Variants in CHAMP1 observed in about 807,000 individuals in gnomAD.
CHAMP1 encodes the protein chromosome alignment-maintaining phosphoprotein 1.
A neutral mutation model predicts 54.5 loss-of-function variants in CHAMP1; 4 were observed. The observed-to-expected ratio is 0.07, with a 90% confidence interval of 0.04 to 0.17. CHAMP1 has a LOEUF of 0.17. Ranked by LOEUF, CHAMP1 falls within the 10% of genes least tolerant of loss-of-function variation. The pLI, the probability that CHAMP1 is intolerant of heterozygous loss-of-function variation, is 1.00. For missense variants in CHAMP1, 994 were observed against 968.6 expected, an observed-to-expected ratio of 1.03 and a Z score of -0.35; for synonymous variants, 368 against 342.2, an observed-to-expected ratio of 1.08 and a Z score of -0.83.
Position 114,323,924 on chromosome 13 carries a change from A to C in CHAMP1, c.82A>C (p.Asn28His), listed in dbSNP as rs1555379330. 2 of 1,614,194 alleles carry C rather than the reference A, an allele frequency of 1.2e-6. No homozygotes were observed. Among genetic ancestry groups the C allele is most frequent in the South Asian group, 2.2e-5 (2 of 91,084 alleles). Reference protein sequence around the residue: ...HCSFRGTDYENVQIHMGTIHP... With the variant: ...HCSFRGTDYEHVQIHMGTIHP... ...CAGTTTCAGAGGCACAGACTATGAAAATGTACAAATCCATATGGGTACCAT... is the reference window on the plus strand; with the variant it reads ...CAGTTTCAGAGGCACAGACTATGAACATGTACAAATCCATATGGGTACCAT... Residue 28 changes from asparagine to histidine, a missense_variant, in exon 3 of 3, where the codon AAT becomes CAT. Around this residue, in one of 3 missense-constraint regions of CHAMP1, gnomAD observed 84 missense variants for 120.7 expected, o/e 0.70. Coordinates refer to ENST00000361283, the MANE Select transcript of CHAMP1 (RefSeq NM_032436.4).
In CHAMP1 at chr13:114,324,300, C is replaced by G. The variant is rs371219971; in HGVS notation, c.458C>G (p.Pro153Arg). 3 of 1,614,012 alleles carry G rather than the reference C, an allele frequency of 1.9e-6. No individual in the cohort carries two copies. The highest frequency in any genetic ancestry group is 2.5e-6 in the Non-Finnish European group (3 of 1,180,038). ...TCGCCAAAACCTACTCCTCTTACTC[C>G]CCTGGAGCCTCAGAAACCTGGCTCT... ...PESPKPTPLT[P>R]LEPQKPGSVV... is the part of the protein sequence containing the mutation. The change falls in exon 3 of 3, where the codon CCC (proline) becomes CGC (arginine). Residue 153 changes from proline (P) to arginine (R), a missense_variant. By Grantham distance (103) the Pro-to-Arg change is moderately radical. Transcript: ENST00000361283.
At chr13:114,318,818 C>CT (rs113206600) in intron 1 of CHAMP1, among the ~76,000 whole-genome samples, 9,621 of 62,808 alleles carry the variant, frequency 0.15, 459 homozygotes, top group Middle Eastern at 0.32. Flanking sequence ...TTGTAAATGA[C>CT]TTTTTTTTTT....
At chr13:114,317,982 G>A (rs2087119229) in intron 1 of CHAMP1, among the ~76,000 whole-genome samples, 1 of 152,200 alleles carries the variant, frequency 6.6e-6, no homozygotes, top group Non-Finnish European at 1.5e-5. Flanking sequence ...TTTAGTTAGG[G>A]TTAGGAGTTC....
At position 114,323,276 on chromosome 13, in the gene CHAMP1, A is replaced by C. The variant is rs185651602; in HGVS notation, c.-55-512A>C. 7 of 152,400 alleles carry C rather than the reference A, an allele frequency of 4.6e-5. No individual in the cohort carries two copies. The East Asian group carries it at 1.3e-3, about 29-fold the overall frequency. The allele number at this position is 152,400 out of a possible 1,614,324, so 9.4% of individuals were successfully genotyped here. ...TATGTTGACATGAAATCAAGCCAGC[A>C]TCATGTTTTAAAGTCATCTTTTTAT... On this transcript the variant is annotated intron_variant, in intron 2 of 2. Transcript: ENST00000361283.
intron 1 of CHAMP1, among the ~76,000 whole-genome samples, chr13:114,315,375 G>C (rs1382611349): frequency 6.6e-6 from 1 of 152,096 alleles, no homozygotes; most frequent in African/African-American, 2.4e-5. Context: ...CTCAGTTCTA[G>C]GTTTATACCC....
chr13:114,321,946 G>A (rs1488673997), intron 2 of CHAMP1: 2 of 151,998 alleles, frequency 1.3e-5, no homozygotes, highest in Non-Finnish European at 2.9e-5. Flanking sequence ...AATAAAAAAG[G>A]CAAATGATAT....
chr13:114,324,150 C>T lies in CHAMP1; in HGVS notation c.308C>T (p.Thr103Ile). Residue 103 changes from threonine to isoleucine, a missense_variant, in exon 3 of 3, where the codon ACA (threonine) becomes ATA (isoleucine). By Grantham distance (89) the Thr-to-Ile change is moderately conservative. This residue lies in a region of CHAMP1 where 851 missense variants were observed against 701.3 expected (regional missense o/e 1.21). Transcript: ENST00000361283. ...DKPKNQLNKE[T>I]DPVKSPPLPE... ...CCAAAAAATCAGTTGAACAAAGAAA[C>T]AGATCCTGTGAAAAGCCCTCCTCTT... 3 of 1,614,150 alleles carry T rather than the reference C, an allele frequency of 1.9e-6. No individual in the cohort carries two copies. Among genetic ancestry groups the T allele is most frequent in the Admixed American group, 1.7e-5 (1 of 60,022 alleles).
At position 114,324,615 on chromosome 13, in the gene CHAMP1, G is replaced by T. The variant is rs889693409; in HGVS notation, c.773G>T (p.Gly258Val). ...PVLAASPEPW[G>V]PSPAASPESR... ...CTAGCTGCTTCCCCAGAACCTTGGG[G>T]ACCATCCCCAGCTGCATCTCCAGAA... Residue 258 changes from glycine (G) to valine (V), a missense_variant, in exon 3 of 3, where the codon GGA (glycine) becomes GTA (valine). This residue lies in a region of CHAMP1 where 851 missense variants were observed against 701.3 expected (regional missense o/e 1.21). Transcript: ENST00000361283. The T allele has an allele frequency of 1.9e-6, 3 of 1,613,840 alleles. No individual in the cohort carries two copies. The highest frequency in any genetic ancestry group is 1.1e-5 in the South Asian group (1 of 91,064).
rs1249126290 is a variant in CHAMP1 at position 114,325,204 on chromosome 13, TCAG to T, written c.1364_1366del (p.Gln455del). 6 of 1,614,164 alleles carry T rather than the reference TCAG, an allele frequency of 3.7e-6. No homozygotes were observed. Among genetic ancestry groups the T allele is most frequent in the Non-Finnish European group, 4.2e-6 (5 of 1,180,030 alleles). On this transcript the variant is annotated inframe_deletion, in exon 3 of 3. Coordinates refer to ENST00000361283, the MANE Select transcript of CHAMP1 (RefSeq NM_032436.4). ...CAGATCTTTGGAAGCTTTCTCCTGA[TCAG>T]CGGAAAACTTCTCCTGCTTCACTTG...
Position 114,324,943 on chromosome 13 carries a change from T to C in CHAMP1, c.1101T>C (p.Ser367=). 6.2e-7 allele frequency: 1 copy of C among 1,614,146 alleles called. No homozygotes were observed. Among genetic ancestry groups the C allele is most frequent in the Non-Finnish European group, 8.5e-7 (1 of 1,180,042 alleles). ...GPWKPTPSVS[S]ASWKSSSVSP... The stretch of plus-strand genomic sequence containing the variant: ...GGAAACCAACTCCATCTGTGTCTTC[T>C]GCATCCTGGAAATCTTCATCAGTCT... Residue 367 remains serine (S), a synonymous_variant, in exon 3 of 3, where the codon TCT becomes TCC. Coordinates refer to ENST00000361283, the MANE Select transcript of CHAMP1 (RefSeq NM_032436.4).
intron 1 of CHAMP1, among the ~76,000 whole-genome samples, chr13:114,318,897 A>C (rs1359676677): frequency 7.4e-5 from 2 of 26,934 alleles, no homozygotes; most frequent in African/African-American, 3.3e-4. Context: ...AATGTTCCCT[A>C]GTTTGTTAGA....
rs2087215177 is a variant in CHAMP1 at position 114,324,522 on chromosome 13, C to T, written c.680C>T (p.Pro227Leu). The stretch of plus-strand genomic sequence containing the variant: ...AAGGCTACTCTTAGTAATCCCAAAC[C>T]CCAGAAGCAGTCTCATTTCCCGGAA... Reference protein sequence around the residue: ...SVKATLSNPKPQKQSHFPETL... With the variant: ...SVKATLSNPKLQKQSHFPETL... Residue 227 changes from proline (P) to leucine (L), a missense_variant, in exon 3 of 3, where the codon CCC becomes CTC. By Grantham distance (98) the Pro-to-Leu change is moderately conservative (BLOSUM62 -3). Coordinates refer to ENST00000361283, the MANE Select transcript of CHAMP1 (RefSeq NM_032436.4). 3 of 1,614,104 alleles carry T rather than the reference C, an allele frequency of 1.9e-6. No individual in the cohort carries two copies. The highest frequency in any genetic ancestry group is 4.5e-5 in the East Asian group (2 of 44,864).
At chr13:114,318,482 C>T (rs1207161125) in intron 1 of CHAMP1, among the ~76,000 whole-genome samples, 1 of 152,006 alleles carries the variant, frequency 6.6e-6, no homozygotes, top group Non-Finnish European at 1.5e-5. Flanking sequence ...TTCTGCTGCA[C>T]CCGGCTAATT....
At chr13:114,316,667 G>T (rs1413543149) in intron 1 of CHAMP1, among the ~76,000 whole-genome samples, 1 of 151,888 alleles carries the variant, frequency 6.6e-6, no homozygotes, top group Non-Finnish European at 1.5e-5. Context: ...GCTTATCATT[G>T]TAGCAGATAT....
At position 114,324,865 on chromosome 13, in the gene CHAMP1, A is replaced by G. The variant is rs139041687; in HGVS notation, c.1023A>G (p.Pro341=). The G allele has an allele frequency of 5.0e-6, 8 of 1,613,984 alleles. No individual in the cohort carries two copies. The African/African-American group carries it at 9.3e-5, about 19-fold the overall frequency. The change falls in exon 3 of 3, where the codon CCA becomes CCG. Residue 341 remains proline, a synonymous_variant. Transcript: ENST00000361283. ...SGPWKPAKPA[P]SVSPGPWKPI... ...CTTGGAAGCCAGCTAAACCTGCTCC[A>G]TCTGTGTCTCCTGGACCTTGGAAAC... is the stretch of plus-strand genomic sequence containing the variant.
At chr13:114,315,554 T>G (rs1002453450) in intron 1 of CHAMP1, among the ~76,000 whole-genome samples, 1 of 152,208 alleles carries the variant, frequency 6.6e-6, no homozygotes, top group African/African-American at 2.4e-5. Flanking sequence ...TGATACATGC[T>G]GCAATATAAA....
chr13:114,325,101 G>C lies in CHAMP1; in HGVS notation c.1259G>C (p.Arg420Pro). 6.2e-7 allele frequency: 1 copy of C among 1,614,052 alleles called. No homozygotes were observed. The highest frequency in any genetic ancestry group is 8.5e-7 in the Non-Finnish European group (1 of 1,180,020). The change falls in exon 3 of 3, where the codon CGC (arginine) becomes CCC (proline). Residue 420 changes from arginine to proline, a missense_variant. Transcript: ENST00000361283. ...KAVPPVSPEL[R>P]KPGPPLSPEI... ...GTTCCCCCAGTGTCTCCAGAGCTTC[G>C]CAAACCCGGCCCACCACTATCCCCA...
chr13:114,324,378 C>T lies in CHAMP1; in HGVS notation c.536C>T (p.Pro179Leu). Residue 179 changes from proline (P) to leucine (L), a missense_variant, in exon 3 of 3, where the codon CCT becomes CTT. Pro to Leu is a moderately conservative substitution (Grantham distance 98, BLOSUM62 -3). Transcript: ENST00000361283. ...TPLPSPEPSK[P>L]ASVSSPEPPK... The stretch of plus-strand genomic sequence containing the variant: ...CTTCCTTCTCCTGAGCCTTCAAAAC[C>T]TGCCTCTGTTTCTTCTCCTGAACCT... 1 of 1,614,158 alleles carries T rather than the reference C, an allele frequency of 6.2e-7. No individual in the cohort carries two copies. Among genetic ancestry groups the T allele is most frequent in the Non-Finnish European group, 8.5e-7 (1 of 1,180,032 alleles).
At chr13:114,316,755 T>TA (rs2087104530) in intron 1 of CHAMP1, among the ~76,000 whole-genome samples, 1 of 151,026 alleles carries the variant, frequency 6.6e-6, no homozygotes, top group African/African-American at 2.4e-5. Context: ...GCTTTGGATT[T>TA]TTTTTTTTTT....
Sources: allele counts gnomAD v4.1 joint callset (sites outside exome capture counted in the v4.1 genomes callset), GRCh38; gene constraint gnomAD v4.1.1; regional missense constraint gnomAD v4.1.1; transcripts MANE v1.5; gene names NCBI Gene and HGNC (gene_info 2026-07-23, HGNC 2026-07-21).